CNTN5: variants seen among roughly 807,000 people sequenced by gnomAD.
CNTN5 encodes the protein contactin 5, also known as contactin-5.
Under a neutral mutation model 129.1 loss-of-function variants are expected in CNTN5, and 77 were observed. The ratio of observed to expected loss-of-function variants is 0.60; its 90% CI spans 0.50 to 0.72. The LOEUF is 0.72. Among genes scored for constraint, CNTN5 ranks in the 30% least tolerant of loss-of-function variants. CNTN5 has a pLI of 0.00. For synonymous variants in CNTN5, 509 were observed against 465.6 expected (o/e 1.09, Z -1.20); for missense variants, 1,478 against 1,328.8 (o/e 1.11, Z -1.75).
intron 1 of CNTN5, among the ~76,000 whole-genome samples, chr11:99,177,328 T>C (rs1427432352): frequency 6.6e-6 from 1 of 152,152 alleles, no homozygotes; most frequent in African/African-American, 2.4e-5. Flanking sequence ...ATAATGTCTA[T>C]ATAGTGTCAG....
intron 18 of CNTN5, among the ~76,000 whole-genome samples, chr11:100,295,923 A>ATG (rs1243689018): frequency 6.6e-6 from 1 of 151,274 alleles, no homozygotes; most frequent in African/African-American, 2.4e-5. Context: ...GTGTGTATGT[A>ATG]TGTGTGTGTA....
At chr11:99,154,733 G>GC (rs1860250112) in intron 1 of CNTN5, among the ~76,000 whole-genome samples, 1 of 152,174 alleles carries the variant, frequency 6.6e-6, no homozygotes, top group Non-Finnish European at 1.5e-5. Context: ...GAAGCACCCA[G>GC]GTTGGACATC....
At chr11:99,820,287 T>C (rs182926383) in intron 4 of CNTN5, among the ~76,000 whole-genome samples, 90 of 152,420 alleles carry the variant, frequency 5.9e-4, no homozygotes, top group Admixed American at 2.2e-3. Flanking sequence ...GGAAGGCCAA[T>C]TTGACAGTGA....
chr11:100,035,629 C>T (rs1301900474), intron 9 of CNTN5, among the ~76,000 whole-genome samples: 1 of 141,550 alleles, frequency 7.1e-6, no homozygotes, highest in East Asian at 2.1e-4. Flanking sequence ...CTCTCCAGCA[C>T]CTGTTGTTTC....
rs1034272246 is a variant in CNTN5 at position 99,878,593 on chromosome 11, C to T, written c.577+33331C>T. The stretch of plus-strand genomic sequence containing the variant: ...ATTATTTAAGATGATACCTCTGGCT[C>T]ACGCCTGTAATTCCAGCACTTTCAG... On this transcript the variant is annotated intron_variant, in intron 6 of 24. Coordinates refer to ENST00000524871, the MANE Select transcript of CNTN5 (RefSeq NM_014361.4). 3.9e-5 allele frequency among the ~76,000 whole-genome samples: 6 copies of T among 152,334 alleles called. 1 individual carries two copies. The highest frequency in any genetic ancestry group is 3.4e-3 in the Middle Eastern group (1 of 294).
intron 15 of CNTN5, 98 bp downstream of exon 15, chr11:100,193,761 A>C (rs1261716665): frequency 8.6e-6 from 8 of 933,994 alleles, no homozygotes; most frequent in Non-Finnish European, 1.3e-5. Context: ...AAGAAAAAAA[A>C]AAACAGAACA....
intron 3 of CNTN5, among the ~76,000 whole-genome samples, chr11:99,653,887 C>T (rs1952249836): frequency 6.6e-6 from 1 of 151,726 alleles, no homozygotes; most frequent in Admixed American, 6.6e-5. Context: ...GATTGTTAGG[C>T]AGCTTCTAAA....
At chr11:99,600,958 C>T (rs1301118985) in intron 3 of CNTN5, among the ~76,000 whole-genome samples, 1 of 152,190 alleles carries the variant, frequency 6.6e-6, no homozygotes, top group Non-Finnish European at 1.5e-5. Context: ...GCATTTATAT[C>T]TACTGCAAAT....
chr11:99,513,854 C>T (rs1946938940), intron 2 of CNTN5, among the ~76,000 whole-genome samples: 1 of 152,036 alleles, frequency 6.6e-6, no homozygotes, highest in Admixed American at 6.6e-5. Flanking sequence ...AGCAGAATAT[C>T]CATTCTGTAG....
rs56125043 is a variant in CNTN5, at chr11:100,278,117, T to A, written c.2314+6876T>A. Among the ~76,000 whole-genome samples the A allele has an allele frequency of 4.6e-5, 7 of 152,166 alleles. No individual in the cohort carries two copies. The East Asian group carries it at 9.6e-4, about 21-fold the overall frequency. On this transcript the variant is annotated intron_variant, in intron 18 of 24. Coordinates refer to ENST00000524871, the MANE Select transcript of CNTN5 (RefSeq NM_014361.4). ...GAATTTTTATTGGAAATAAGTTCATTGCAGATGTATGGATTTATGTTGGAG... is the reference window on the plus strand; with the variant it reads ...GAATTTTTATTGGAAATAAGTTCATAGCAGATGTATGGATTTATGTTGGAG...
intron 3 of CNTN5, among the ~76,000 whole-genome samples, chr11:99,597,369 A>T (rs1208805552): frequency 6.6e-6 from 1 of 152,142 alleles, no homozygotes; most frequent in East Asian, 1.9e-4. Flanking sequence ...AGTAGTCTCT[A>T]GTAGAATAGA....
chr11:99,220,368 G>T (rs1184178814), intron 1 of CNTN5, among the ~76,000 whole-genome samples: 3 of 151,794 alleles, frequency 2.0e-5, no homozygotes, highest in African/African-American at 7.3e-5. Flanking sequence ...TAAAAATTAA[G>T]TTTATACTAC....
chr11:99,989,083 T>A (rs1938883450), intron 8 of CNTN5, among the ~76,000 whole-genome samples: 1 of 152,182 alleles, frequency 6.6e-6, no homozygotes, highest in African/African-American at 2.4e-5. Flanking sequence ...CATGGAAAAC[T>A]TAATCTGCTA....
At chr11:100,102,558 A>T (rs1945263631) in intron 13 of CNTN5, among the ~76,000 whole-genome samples, 4 of 149,006 alleles carry the variant, frequency 2.7e-5, no homozygotes, top group African/African-American at 7.5e-5. Flanking sequence ...CAAAAAAAAG[A>T]AGTTTTAAGA....
At chr11:99,062,800 T>G (rs575820268) in intron 1 of CNTN5, among the ~76,000 whole-genome samples, 2 of 152,158 alleles carry the variant, frequency 1.3e-5, no homozygotes, top group Non-Finnish European at 2.9e-5. Flanking sequence ...AGAATTTTTC[T>G]ATTTACCCTC....
At chr11:99,799,208 C>T (rs1946039905) in intron 3 of CNTN5, among the ~76,000 whole-genome samples, 1 of 151,812 alleles carries the variant, frequency 6.6e-6, no homozygotes, top group Admixed American at 6.6e-5. Context: ...GGTAATGTCA[C>T]TTCACCTTTT....
At chr11:99,452,400 TCTGG>T in intron 2 of CNTN5, among the ~76,000 whole-genome samples, 1 of 102,738 alleles carries the variant, frequency 9.7e-6, no homozygotes. Flanking sequence ...TGGGACGGAG[TCTGG>T]TTCTGTCACC....
At chr11:99,841,923 G>A (rs1487799716) in intron 4 of CNTN5, among the ~76,000 whole-genome samples, 2 of 146,780 alleles carry the variant, frequency 1.4e-5, no homozygotes, top group South Asian at 4.4e-4. Context: ...TTTCACTCTT[G>A]TTGCCCAGAC....
intron 1 of CNTN5, among the ~76,000 whole-genome samples, chr11:99,258,483 A>C (rs1862480049): frequency 6.6e-6 from 1 of 152,248 alleles, no homozygotes; most frequent in African/African-American, 2.4e-5. Context: ...ACCTATGATA[A>C]CATATCATAA....
Sources: allele counts gnomAD v4.1 joint callset (sites outside exome capture counted in the v4.1 genomes callset), GRCh38; gene constraint gnomAD v4.1.1; transcripts MANE v1.5; gene names NCBI Gene and HGNC (gene_info 2026-07-23, HGNC 2026-07-21).